The following ENOX2 variants were observed in gnomAD, a reference collection of about 807,000 sequenced individuals.
ENOX2 encodes the protein APK1 antigen.
In ENOX2, 36 loss-of-function variants were observed where a neutral mutation model predicts 45.0. The observed-to-expected ratio is 0.80, with a 90% CI of 0.61 to 1.06. The LOEUF is 1.06. ENOX2 is among the 50% of genes least tolerant of loss of function. The pLI, the probability that ENOX2 is intolerant of heterozygous loss-of-function variation, is 0.00. For missense variants in ENOX2, 423 were observed against 462.5 expected (o/e 0.91, Z 0.78); for synonymous variants, 174 against 152.3 (o/e 1.14, Z -1.05).
At chrX:130,899,180 A>G in intron 2 of ENOX2, among the ~76,000 whole-genome samples, 1 of 111,428 alleles carries the variant, frequency 9.0e-6, no homozygotes, top group South Asian at 3.8e-4. Flanking sequence ...AAAGAGGGAA[A>G]AAGTAGGTCT....
At chrX:130,879,031 T>C (rs751327115) in intron 2 of ENOX2, among the ~76,000 whole-genome samples, 107 of 112,001 alleles carry the variant, frequency 9.6e-4, no homozygotes, top group Non-Finnish European at 1.5e-3. Context: ...TTACCACAAA[T>C]TGAGGTGAAT....
chrX:130,848,031 T>G (rs1408015374), intron 2 of ENOX2, among the ~76,000 whole-genome samples: 4 of 111,457 alleles, frequency 3.6e-5, no homozygotes, highest in Non-Finnish European at 7.5e-5. Flanking sequence ...TGTTGTTGTT[T>G]TTGTTTTTGT....
intron 2 of ENOX2, among the ~76,000 whole-genome samples, chrX:130,875,940 G>C (rs1385021993): frequency 8.9e-6 from 1 of 111,868 alleles, no homozygotes; most frequent in Non-Finnish European, 1.9e-5. Context: ...TAAAAAGAAA[G>C]GCAGACAATA....
intron 2 of ENOX2, among the ~76,000 whole-genome samples, chrX:130,875,446 A>G (rs1206432056): frequency 2.7e-5 from 3 of 111,713 alleles, no homozygotes; most frequent in Non-Finnish European, 3.8e-5. Flanking sequence ...TGTGGTAACA[A>G]TGTAAGGGCA....
intron 3 of ENOX2, among the ~76,000 whole-genome samples, chrX:130,782,442 C>T (rs1034984215): frequency 2.7e-5 from 3 of 111,663 alleles, no homozygotes; most frequent in African/African-American, 9.8e-5. Context: ...CTTGGCTATA[C>T]ACCATGCCTT....
intron 3 of ENOX2, among the ~76,000 whole-genome samples, chrX:130,741,764 AGT>A (rs2038987150): frequency 9.0e-6 from 1 of 111,354 alleles, no homozygotes. Flanking sequence ...GCCTCCCCTT[AGT>A]ACCAGAAAAA....
chrX:130,704,488 G>C (rs2037986616), intron 3 of ENOX2, among the ~76,000 whole-genome samples: 1 of 111,057 alleles, frequency 9.0e-6, no homozygotes, highest in African/African-American at 3.3e-5. Flanking sequence ...TTCGTTTTGG[G>C]AAATTTTCCT....
intron 5 of ENOX2, among the ~76,000 whole-genome samples, chrX:130,680,956 T>A (rs775149647): frequency 8.9e-6 from 1 of 112,250 alleles, no homozygotes; most frequent in African/African-American, 3.2e-5. Context: ...CTAAGAATAA[T>A]CAGTTACTCA....
intron 12 of ENOX2, among the ~76,000 whole-genome samples, chrX:130,633,988 G>A (rs1245557549): frequency 1.8e-5 from 2 of 112,228 alleles, no homozygotes; most frequent in Non-Finnish European, 3.8e-5. Flanking sequence ...TTAAAAGCAC[G>A]TTGCAAATGG....
chrX:130,770,925 C>T (rs763661111), intron 3 of ENOX2, among the ~76,000 whole-genome samples: 8 of 112,313 alleles, frequency 7.1e-5, no homozygotes, highest in Admixed American at 2.8e-4. Flanking sequence ...TACTTGTTCA[C>T]GTGTACAAAG....
rs1282765594 is a variant in ENOX2 at position 130,901,526 on chromosome X, T to C, written c.-183+158A>G. 3.6e-5 allele frequency among the ~76,000 whole-genome samples: 4 copies of C among 112,563 alleles called. No homozygotes were observed. The East Asian group carries it at 1.1e-3, about 31-fold the overall frequency. On this transcript the variant is annotated intron_variant, in intron 2 of 14. Transcript: ENST00000394363. ...AATGAGATGACTACAGTTCAGATAA[T>C]GTGATGCACGGGGACAGCAAATGCA...
chrX:130,694,073 A>G (rs776887678), intron 4 of ENOX2, among the ~76,000 whole-genome samples: 2 of 111,943 alleles, frequency 1.8e-5, no homozygotes, highest in South Asian at 7.6e-4. Context: ...GATATCATAT[A>G]GAACAGAAAA....
chrX:130,795,364 A>G (rs1193955601), intron 2 of ENOX2, among the ~76,000 whole-genome samples: 1 of 111,916 alleles, frequency 8.9e-6, no homozygotes, highest in Non-Finnish European at 1.9e-5. Flanking sequence ...GCCTGCAAAA[A>G]AATCACTAAT....
Position 130,631,576 on chromosome X carries a change from C to G in ENOX2, c.1420G>C (p.Glu474Gln), listed in dbSNP as rs1422868483. 3.6e-6 allele frequency: 4 copies of G among 1,125,014 alleles called. No homozygotes were observed. In the Admixed American group the frequency reaches 6.6e-5, roughly 19 times the overall value. 92.7% of individuals were successfully genotyped at this position (1,125,014 alleles called of 1,213,427 possible). Residue 474 changes from glutamate (E) to glutamine (Q), a missense_variant and splice_region_variant, in exon 13 of 15, where the codon GAA becomes CAA. This residue lies in a region of ENOX2 where 108 missense variants were observed against 70.6 expected (regional missense o/e 1.53). Transcript: ENST00000394363. ...EKMLENLKEK[E>Q]SCASRLCASN... ...GCACACAGCCTAGAAGCACAGCTTT[C>G]CTGTGGACACAACATGCTTCTAGGT...
chrX:130,671,804 A>G (rs757229654), intron 6 of ENOX2, among the ~76,000 whole-genome samples: 38 of 111,957 alleles, frequency 3.4e-4, no homozygotes, highest in African/African-American at 1.2e-3. Context: ...ACAAAGCTTA[A>G]GAAGCAAGAC....
chrX:130,637,671 T>C (rs1388203825), intron 10 of ENOX2, among the ~76,000 whole-genome samples: 1 of 111,705 alleles, frequency 9.0e-6, no homozygotes, highest in African/African-American at 3.3e-5. Flanking sequence ...ATTTTTTTTA[T>C]TTGAAATGTA....
In ENOX2 at chrX:130,623,029, C is replaced by T. The variant is rs1017094521; in HGVS notation, c.*2285G>A. Among the ~76,000 whole-genome samples, 1 of 111,291 alleles carries T rather than the reference C, an allele frequency of 9.0e-6. No individual in the cohort carries two copies. The highest frequency in any genetic ancestry group is 9.6e-5 in the Admixed American group (1 of 10,397). On this transcript the variant is annotated 3_prime_UTR_variant, in exon 15 of 15. Transcript: ENST00000394363. ...GGCCTTCAGCTGATCAGATGAGGTC[C>T]ACCCACATTATAATGGGTAATCTGT...
Position 130,761,910 on chromosome X carries a change from T to G in ENOX2, c.-39+21637A>C, listed in dbSNP as rs374032613. ...TACAAACTATATCATTATTGATAGT[T>G]TGTACTGATAGCCTCTGTTTCATTT... On this transcript the variant is annotated intron_variant, in intron 3 of 14. Coordinates refer to ENST00000394363, the MANE Select transcript of ENOX2 (RefSeq NM_006375.4). 2.7e-4 allele frequency among the ~76,000 whole-genome samples: 30 copies of G among 111,870 alleles called. 1 individual carries two copies. In the South Asian group the frequency reaches 0.011, roughly 41 times the overall value.
intron 2 of ENOX2, among the ~76,000 whole-genome samples, chrX:130,879,215 G>A (rs1004732165): frequency 8.9e-6 from 1 of 111,739 alleles, no homozygotes; most frequent in African/African-American, 3.3e-5. Flanking sequence ...AGACTGCTGG[G>A]CAAGCGAGTG....
Sources: gnomAD v4.1 joint callset for allele counts (sites outside exome capture counted in the v4.1 genomes callset) on GRCh38, gnomAD v4.1.1 for gene constraint, gnomAD v4.1.1 regional missense constraint, MANE v1.5 for transcripts, NCBI Gene and HGNC (gene_info 2026-07-23, HGNC 2026-07-21) for gene names.